The following CNIH3 variants were observed in gnomAD, a reference collection of about 807,000 sequenced individuals.
CNIH3 encodes protein cornichon homolog 3.
CNIH3 carries 14 observed loss-of-function variants against 24.1 expected under a neutral mutation model. The ratio of observed to expected loss-of-function variants is 0.58; its 90% CI spans 0.38 to 0.91. The LOEUF (loss-of-function observed/expected upper bound fraction) is 0.91, where lower values mean the gene tolerates loss of function less well. Among genes scored for constraint, CNIH3 ranks in the 40% least tolerant of loss-of-function variants. The pLI, the probability that CNIH3 is intolerant of heterozygous loss-of-function variation, is 0.00. For missense variants in CNIH3, 178 were observed against 196.8 expected, an observed-to-expected ratio of 0.90 and a Z score of 0.57; for synonymous variants, 68 against 73.8, an observed-to-expected ratio of 0.92 and a Z score of 0.40.
intron 3 of CNIH3, among the ~76,000 whole-genome samples, chr1:224,709,772 A>G (rs908103515): frequency 1.3e-5 from 2 of 152,140 alleles, no homozygotes; most frequent in African/African-American, 2.4e-5. Context: ...AGAGGAAGAG[A>G]AGGGTTCAGG....
intron 4 of CNIH3, chr1:224,575,161 A>T: frequency 5.9e-6 from 6 of 1,021,960 alleles, no homozygotes. Context: ...ACAGCCAAAC[A>T]CAATAAAACT....
At chr1:224,549,661 G>A (rs769724483) in intron 3 of CNIH3, among the ~76,000 whole-genome samples, 5 of 152,012 alleles carry the variant, frequency 3.3e-5, no homozygotes, top group Non-Finnish European at 5.9e-5. Flanking sequence ...ATACCAGAGC[G>A]ATGATATTTC....
intron 2 of CNIH3, among the ~76,000 whole-genome samples, chr1:224,535,606 G>C (rs1021398656): frequency 6.6e-6 from 1 of 152,188 alleles, no homozygotes; most frequent in African/African-American, 2.4e-5. Flanking sequence ...CAGGGGTGTG[G>C]GGAACTGCAT....
chr1:224,706,458 A>G (rs973740651), intron 3 of CNIH3, among the ~76,000 whole-genome samples: 2 of 152,174 alleles, frequency 1.3e-5, no homozygotes, highest in East Asian at 3.9e-4. Context: ...CCTGTGGTCT[A>G]TAAGCCTTGG....
chr1:224,477,610 C>G (rs987585915), intron 1 of CNIH3, among the ~76,000 whole-genome samples: 6 of 152,150 alleles, frequency 3.9e-5, no homozygotes, highest in African/African-American at 9.7e-5. Context: ...TTTTATTATA[C>G]TGTCTATGTC....
intron 1 of CNIH3, among the ~76,000 whole-genome samples, chr1:224,481,654 C>A (rs991125074): frequency 6.6e-6 from 1 of 152,158 alleles, no homozygotes; most frequent in Non-Finnish European, 1.5e-5. Flanking sequence ...AGGGGTGACA[C>A]AAGTATCCCT....
At chr1:224,534,532 C>T in intron 2 of CNIH3, among the ~76,000 whole-genome samples, 1 of 152,110 alleles carries the variant, frequency 6.6e-6, no homozygotes, top group Non-Finnish European at 1.5e-5. Flanking sequence ...GTTAAAAATA[C>T]CAGTTGCCAG....
At chr1:224,461,089 A>G (rs1300579221) in intron 1 of CNIH3, among the ~76,000 whole-genome samples, 1 of 149,110 alleles carries the variant, frequency 6.7e-6, no homozygotes, top group African/African-American at 2.5e-5. Context: ...TGCAACCTCC[A>G]CCTCCTGGGT....
chr1:224,553,528 G>C (rs1035986348), intron 3 of CNIH3, among the ~76,000 whole-genome samples: 2 of 152,074 alleles, frequency 1.3e-5, no homozygotes, highest in African/African-American at 4.8e-5. Flanking sequence ...GGACCCGGCT[G>C]GTTCACCAAA....
intron 1 of CNIH3, chr1:224,515,985 C>T (rs545285451): frequency 6.6e-6 from 1 of 152,236 alleles, no homozygotes; most frequent in South Asian, 2.1e-4. Flanking sequence ...CTTGTACCCT[C>T]TGGATTGTGT....
At chr1:224,620,847 T>A (rs932445949) in intron 1 of CNIH3, among the ~76,000 whole-genome samples, 2 of 151,856 alleles carry the variant, frequency 1.3e-5, no homozygotes, top group African/African-American at 2.4e-5. Flanking sequence ...GAAAAAAAAA[T>A]TGCATGTGGA....
intron 3 of CNIH3, among the ~76,000 whole-genome samples, chr1:224,563,085 G>A (rs548998400): frequency 2.0e-5 from 3 of 152,120 alleles, no homozygotes; most frequent in African/African-American, 7.2e-5. Context: ...ACATAATATA[G>A]GATATACACA....
At chr1:224,435,202 G>A in intron 1 of CNIH3, 1 of 986,536 alleles carries the variant, frequency 1.0e-6, no homozygotes, top group Non-Finnish European at 1.2e-6. Context: ...GGATGGGGCA[G>A]GGGGCTAGGA....
Position 224,696,772 on chromosome 1 carries a change from T to TTGTG in CNIH3, c.198+11951_198+11954dup, listed in dbSNP as rs66962239. On this transcript the variant is annotated intron_variant, in intron 3 of 5. Coordinates refer to ENST00000272133, the MANE Select transcript of CNIH3 (RefSeq NM_152495.2). Reference sequence around the variant, plus strand: ...TTGTTATGTGCTGAAGGGGATAAATTTGTGTGTGTGTGTGTGTGTGTGTGT... The same window carrying TTGTG: ...TTGTTATGTGCTGAAGGGGATAAATTTGTGTGTGTGTGTGTGTGTGTGTGTGTGT... Among the ~76,000 whole-genome samples the TTGTG allele has an allele frequency of 9.0e-3, 1,348 of 149,988 alleles. 15 individuals carry two copies. The highest frequency in any genetic ancestry group is 0.033 in the South Asian group (155 of 4,732).
intron 1 of CNIH3, among the ~76,000 whole-genome samples, chr1:224,475,334 CGACAGAGCGA>C (rs1219816732): frequency 1.4e-5 from 2 of 140,606 alleles, no homozygotes; most frequent in Non-Finnish European, 3.0e-5. Context: ...CCAGCCGGGG[CGACAGAGCGA>C]GACTCCATCT....
At chr1:224,564,882 C>A (rs1028334423) in intron 3 of CNIH3, among the ~76,000 whole-genome samples, 4 of 152,240 alleles carry the variant, frequency 2.6e-5, no homozygotes, top group Non-Finnish European at 5.9e-5. Context: ...TGGCTCCTGA[C>A]AGGCCTCTGG....
intron 3 of CNIH3, among the ~76,000 whole-genome samples, chr1:224,603,688 A>G (rs1311462758): frequency 6.6e-6 from 1 of 152,182 alleles, no homozygotes; most frequent in East Asian, 1.9e-4. Context: ...TATTTTTGTT[A>G]AAATAATAAA....
intron 2 of CNIH3, among the ~76,000 whole-genome samples, chr1:224,683,026 GA>G (rs1289189306): frequency 6.6e-6 from 1 of 152,196 alleles, no homozygotes; most frequent in Non-Finnish European, 1.5e-5. Context: ...ACAGAATGAA[GA>G]AAATCAGGAC....
chr1:224,564,751 G>C (rs1417607573), intron 3 of CNIH3, among the ~76,000 whole-genome samples: 1 of 152,376 alleles, frequency 6.6e-6, no homozygotes, highest in Non-Finnish European at 1.5e-5. Context: ...CCAGCTGCCT[G>C]GTTCATGTGC....
Sources: allele counts gnomAD v4.1 joint callset (sites outside exome capture counted in the v4.1 genomes callset), GRCh38; gene constraint gnomAD v4.1.1; transcripts MANE v1.5; gene names NCBI Gene and HGNC (gene_info 2026-07-23, HGNC 2026-07-21).